JMJD1C: variants seen among roughly 807,000 people sequenced by gnomAD.
JMJD1C encodes jumonji domain containing 1C.
A neutral mutation model predicts 245.3 loss-of-function variants in JMJD1C; 31 were observed. The observed-to-expected ratio is 0.13, with a 90% CI of 0.09 to 0.17. The LOEUF (loss-of-function observed/expected upper bound fraction) is 0.17, where lower values mean the gene tolerates loss of function less well. JMJD1C is among the 10% of genes least tolerant of loss of function. The probability of loss-of-function intolerance (pLI) is 1.00; values close to 1 mark genes in which losing one functional copy is unlikely to be tolerated. For synonymous variants in JMJD1C, 1,057 were observed against 1,017.4 expected (o/e 1.04, Z -0.74); for missense variants, 2,691 against 3,000.2 (o/e 0.90, Z 2.41).
intron 10 of JMJD1C, chr10:63,203,332 C>CCTAACT: frequency 1.0e-6 from 1 of 984,012 alleles, no homozygotes; most frequent in Non-Finnish European, 1.2e-6. Context: ...CAAAAAAATA[C>CCTAACT]CTAACTCAAT....
chr10:63,480,837 T>A (rs1953810075), intron 1 of JMJD1C, among the ~76,000 whole-genome samples: 1 of 152,228 alleles, frequency 6.6e-6, no homozygotes, highest in Admixed American at 6.5e-5. Context: ...TTCCTTTTTG[T>A]GACTACCAAC....
chr10:63,293,436 A>G lies in JMJD1C; in HGVS notation c.334-28672T>C, dbSNP rs564612253. On this transcript the variant is annotated intron_variant, in intron 2 of 25. Transcript: ENST00000399262. Reference sequence around the variant, plus strand: ...CAGACCTCTCCTACTTCTTTTACTTACCACTTACATTCACTGCTACCATTC... The same window carrying G: ...CAGACCTCTCCTACTTCTTTTACTTGCCACTTACATTCACTGCTACCATTC... Among the ~76,000 whole-genome samples, 158 of 152,254 alleles carry G rather than the reference A, an allele frequency of 1.0e-3. 1 individual carries two copies. The highest frequency in any genetic ancestry group is 3.7e-3 in the African/African-American group (153 of 41,554).
chr10:63,381,461 T>G (rs548591661), intron 1 of JMJD1C, among the ~76,000 whole-genome samples: 7 of 152,180 alleles, frequency 4.6e-5, no homozygotes, highest in Admixed American at 4.6e-4. Flanking sequence ...TACAGTGAGC[T>G]ATGATAGCTA....
At chr10:63,312,486 T>C (rs1048475804) in intron 2 of JMJD1C, among the ~76,000 whole-genome samples, 1 of 152,194 alleles carries the variant, frequency 6.6e-6, no homozygotes, top group African/African-American at 2.4e-5. Flanking sequence ...CCAAGAAATA[T>C]GGAGTTAACC....
At chr10:63,307,092 A>T (rs926121665) in intron 2 of JMJD1C, among the ~76,000 whole-genome samples, 1 of 152,064 alleles carries the variant, frequency 6.6e-6, no homozygotes, top group African/African-American at 2.4e-5. Flanking sequence ...TAAAGGCAAA[A>T]TTTTTTCATT....
chr10:63,521,269 G>A (rs1298397416), intron 1 of JMJD1C: 1 of 150,192 alleles, frequency 6.7e-6, no homozygotes, highest in Non-Finnish European at 1.5e-5. Context: ...CCGGGCCAAC[G>A]CGCCGCCGCC....
At chr10:63,415,328 C>T (rs1476674713) in intron 1 of JMJD1C, among the ~76,000 whole-genome samples, 1 of 151,988 alleles carries the variant, frequency 6.6e-6, no homozygotes, top group Admixed American at 6.6e-5. Context: ...TCTAATAAAA[C>T]CTTATCAGAA....
chr10:63,337,624 A>AAAAAGAAAAAGAAAAAGAAAAG lies in JMJD1C; in HGVS notation c.333+42693_333+42694insCTTTTCTTTTTCTTTTTCTTTT, dbSNP rs1554892789. Among the ~76,000 whole-genome samples, 245 of 60,226 alleles carry AAAAAGAAAAAGAAAAAGAAAAG rather than the reference A, an allele frequency of 4.1e-3. 29 individuals carry two copies. Among genetic ancestry groups the AAAAAGAAAAAGAAAAAGAAAAG allele is most frequent in the African/African-American group, 0.018 (238 of 13,528 alleles). The allele number at this position is 60,226 out of a possible 152,430, so 39.5% of individuals were successfully genotyped here. On this transcript the variant is annotated intron_variant, in intron 2 of 25. Transcript: ENST00000399262. ...AAAAGAAAAGAAAAGAAAAGAAAAG[A>AAAAAGAAAAAGAAAAAGAAAAG]AAAAGAAAAGAAAAAAAATCCGCTA...
intron 2 of JMJD1C, chr10:63,359,191 T>C (rs1331413798): frequency 1.3e-5 from 2 of 152,288 alleles, no homozygotes; most frequent in Admixed American, 1.3e-4. Context: ...GAGATTGCTA[T>C]TATAATTTCT....
intron 1 of JMJD1C, among the ~76,000 whole-genome samples, chr10:63,487,609 A>G (rs1228659337): frequency 6.6e-6 from 1 of 152,222 alleles, no homozygotes; most frequent in Non-Finnish European, 1.5e-5. Context: ...AGACAAAGGG[A>G]CAAGAAAGTT....
At chr10:63,357,569 G>A (rs1944954165) in intron 2 of JMJD1C, among the ~76,000 whole-genome samples, 1 of 151,952 alleles carries the variant, frequency 6.6e-6, no homozygotes. Context: ...GCCTCCCAAC[G>A]TGCTGGGATT....
chr10:63,351,080 CTTT>C (rs998025835), intron 2 of JMJD1C, among the ~76,000 whole-genome samples: 3 of 131,078 alleles, frequency 2.3e-5, no homozygotes, highest in Admixed American at 7.7e-5. Context: ...AGAAATTTTT[CTTT>C]TTTTTTTTTT....
intron 2 of JMJD1C, among the ~76,000 whole-genome samples, chr10:63,345,535 G>C (rs983622170): frequency 6.7e-6 from 1 of 150,098 alleles, no homozygotes; most frequent in Non-Finnish European, 1.5e-5. Flanking sequence ...ACCAATCTAT[G>C]GAACAGCATA....
At chr10:63,225,650 C>T (rs913018787) in intron 3 of JMJD1C, among the ~76,000 whole-genome samples, 4 of 151,864 alleles carry the variant, frequency 2.6e-5, no homozygotes, top group East Asian at 1.9e-4. Context: ...TAGTGACACA[C>T]GCTTGTGAAT....
intron 2 of JMJD1C, among the ~76,000 whole-genome samples, chr10:63,315,976 C>A (rs947537864): frequency 2.6e-4 from 40 of 151,864 alleles, no homozygotes; most frequent in African/African-American, 8.2e-4. Context: ...CAAAATAAGC[C>A]CTGGCAAAAT....
chr10:63,278,170 A>G (rs1459184158), intron 2 of JMJD1C, among the ~76,000 whole-genome samples: 3 of 151,978 alleles, frequency 2.0e-5, no homozygotes, highest in African/African-American at 4.8e-5. Flanking sequence ...TGATAATTAC[A>G]TATCTGCAGT....
chr10:63,468,998 T>TA (rs905965481), upstream of JMJD1C, among the ~76,000 whole-genome samples: 1 of 152,078 alleles, frequency 6.6e-6, no homozygotes, highest in Non-Finnish European at 1.5e-5. Context: ...TTTGTTTTTT[T>TA]AAAAAACTGA....
At chr10:63,204,430 A>G in intron 10 of JMJD1C, 1 of 985,134 alleles carries the variant, frequency 1.0e-6, no homozygotes, top group South Asian at 4.7e-5. Flanking sequence ...CTAACACTTA[A>G]TTTCATAAAT....
At chr10:63,458,567 T>C (rs1264737164) in intron 1 of JMJD1C, among the ~76,000 whole-genome samples, 1 of 152,034 alleles carries the variant, frequency 6.6e-6, no homozygotes, top group Middle Eastern at 3.2e-3. Flanking sequence ...TCAAATCTCC[T>C]AACAAATAAA....
Sources: allele counts gnomAD v4.1 joint callset (sites outside exome capture counted in the v4.1 genomes callset), GRCh38; gene constraint gnomAD v4.1.1; transcripts MANE v1.5; gene names NCBI Gene and HGNC (gene_info 2026-07-23, HGNC 2026-07-21).